Variants in CACNB2 observed in about 807,000 individuals in gnomAD.
CACNB2 encodes the protein voltage-dependent L-type calcium channel subunit beta-2.
In CACNB2, 42 loss-of-function variants were observed where a neutral mutation model predicts 73.3. The ratio of observed to expected loss-of-function variants is 0.57; its 90% CI spans 0.45 to 0.74. CACNB2 has a LOEUF of 0.74. Ranked by LOEUF, CACNB2 falls within the 30% of genes least tolerant of loss-of-function variation. CACNB2 has a pLI of 0.00. For missense variants in CACNB2, 940 were observed against 853.0 expected, an observed-to-expected ratio of 1.10 and a Z score of -1.27; for synonymous variants, 348 against 310.3, an observed-to-expected ratio of 1.12 and a Z score of -1.28.
chr10:18,360,425 T>C (rs563961078), intron 2 of CACNB2, among the ~76,000 whole-genome samples: 116 of 152,188 alleles, frequency 7.6e-4, no homozygotes, highest in African/African-American at 2.7e-3. Context: ...GAATCTCACT[T>C]TGTTGCCCGG....
chr10:18,461,825 A>G (rs557735525), intron 3 of CACNB2, among the ~76,000 whole-genome samples: 5 of 145,986 alleles, frequency 3.4e-5, no homozygotes, highest in South Asian at 2.2e-4. Flanking sequence ...CTCCTCGAAC[A>G]GTATGAGTGG....
intron 2 of CACNB2, among the ~76,000 whole-genome samples, chr10:18,286,607 T>C (rs2038816117): frequency 6.8e-6 from 1 of 147,474 alleles, no homozygotes; most frequent in African/African-American, 2.5e-5. Flanking sequence ...CCGTCATCAA[T>C]CTTAATGTTT....
At chr10:18,146,270 A>G (rs1455293740) in intron 1 of CACNB2, among the ~76,000 whole-genome samples, 1 of 151,698 alleles carries the variant, frequency 6.6e-6, no homozygotes, top group African/African-American at 2.4e-5. Flanking sequence ...AAAGGGATAA[A>G]CATCAATGAA....
chr10:18,537,065 G>C (rs888621293), intron 12 of CACNB2, among the ~76,000 whole-genome samples: 4 of 152,086 alleles, frequency 2.6e-5, no homozygotes, highest in African/African-American at 9.7e-5. Context: ...GCTCACTATT[G>C]CAACCTCTGC....
rs776677078 is a variant in CACNB2 at position 18,261,978 on chromosome 10, C to T, written c.213+111003C>T. 5.8e-6 allele frequency: 3 copies of T among 518,954 alleles called. No individual in the cohort carries two copies. In the Admixed American group the frequency reaches 5.8e-5, roughly 10 times the overall value. The allele number at this position is 518,954 out of a possible 1,614,324, so 32.1% of individuals were successfully genotyped here. ...GCTAATTGCAATATGCTGTGCCTTA[C>T]ACTAGCCGACCAGCTCCGAGCAAGC... On this transcript the variant is annotated intron_variant, in intron 2 of 13. Transcript: ENST00000324631.
intron 3 of CACNB2, among the ~76,000 whole-genome samples, chr10:18,447,435 G>A (rs1177541004): frequency 2.0e-5 from 3 of 151,972 alleles, no homozygotes; most frequent in East Asian, 1.9e-4. Context: ...TGAGTGGAGC[G>A]AATGACAGAA....
At chr10:18,531,281 A>T (rs2053001898) in intron 10 of CACNB2, among the ~76,000 whole-genome samples, 1 of 152,118 alleles carries the variant, frequency 6.6e-6, no homozygotes, top group Non-Finnish European at 1.5e-5. Flanking sequence ...TTAAGTTCCT[A>T]TCACCCAGGT....
chr10:18,157,337 A>G (rs2032132182), intron 2 of CACNB2, among the ~76,000 whole-genome samples: 2 of 152,190 alleles, frequency 1.3e-5, no homozygotes, highest in African/African-American at 4.8e-5. Context: ...TGGCCTTTGG[A>G]CAAGTAACTG....
In CACNB2 at chr10:18,536,255, TTTTTTTTTTTTTTTTTTTGG is replaced by T. The variant is rs1291030406; in HGVS notation, c.1302+60_1302+79del. ...ACAGAGATCAGACCTTTTTTTTTTT[TTTTTTTTTTTTTTTTTTTGG>T]GGGACAAGGTCTTGCTCTGTTGCCC... is the stretch of plus-strand genomic sequence containing the variant. On this transcript the variant is annotated intron_variant, in intron 12 of 13. Coordinates refer to ENST00000324631, the MANE Select transcript of CACNB2 (RefSeq NM_201596.3). 6.9e-5 allele frequency: 45 copies of T among 647,926 alleles called. No homozygotes were observed. The East Asian group carries it at 1.3e-3, about 19-fold the overall frequency. 40.1% of individuals were successfully genotyped at this position (647,926 alleles called of 1,614,324 possible). A position where few individuals can be genotyped will look rare whatever the true frequency, so the allele number is the denominator to read the frequency against.
At chr10:18,164,640 C>A (rs984259198) in intron 2 of CACNB2, among the ~76,000 whole-genome samples, 1 of 151,710 alleles carries the variant, frequency 6.6e-6, no homozygotes, top group East Asian at 1.9e-4. Flanking sequence ...ATAAGGCAAA[C>A]GAGATAAACT....
rs538997676 is a variant in CACNB2, at chr10:18,459,303, T to C, written c.334-39052T>C. On this transcript the variant is annotated intron_variant, in intron 3 of 13. Coordinates refer to ENST00000324631, the MANE Select transcript of CACNB2 (RefSeq NM_201596.3). ...TTGCCCCTCCCAGCTATCATTTTTC[T>C]GTTTCTTCTGCAGAAATATCACTAT... Among the ~76,000 whole-genome samples the C allele has an allele frequency of 1.8e-4, 27 of 152,350 alleles. 1 individual carries two copies. The East Asian group carries it at 5.0e-3, about 28-fold the overall frequency.
At chr10:18,367,664 TC>T (rs2042411649) in intron 2 of CACNB2, among the ~76,000 whole-genome samples, 1 of 152,132 alleles carries the variant, frequency 6.6e-6, no homozygotes, top group Non-Finnish European at 1.5e-5. Context: ...ATGTAAAAAT[TC>T]ACATTTATCA....
At chr10:18,384,121 C>T (rs920496393) in intron 2 of CACNB2, among the ~76,000 whole-genome samples, 2 of 152,086 alleles carry the variant, frequency 1.3e-5, no homozygotes, top group South Asian at 2.1e-4. Flanking sequence ...AAAGAGGCAC[C>T]GTGTTCCCAA....
At chr10:18,476,416 C>T (rs11014422) in intron 3 of CACNB2, among the ~76,000 whole-genome samples, 6,861 of 152,218 alleles carry the variant, frequency 0.045, 244 homozygotes, top group African/African-American at 0.1. Flanking sequence ...GCAAGCAGCT[C>T]AAGAGCCCGG....
At chr10:18,366,103 T>C (rs1370972758) in intron 2 of CACNB2, among the ~76,000 whole-genome samples, 1 of 152,202 alleles carries the variant, frequency 6.6e-6, no homozygotes, top group African/African-American at 2.4e-5. Context: ...GAATGTTGGC[T>C]GGTTCTACCT....
intron 2 of CACNB2, among the ~76,000 whole-genome samples, chr10:18,244,864 G>A (rs1212150542): frequency 6.6e-6 from 1 of 152,248 alleles, no homozygotes; most frequent in Non-Finnish European, 1.5e-5. Flanking sequence ...GGTGGGCACA[G>A]TGTAATCACA....
At chr10:18,372,054 G>GT (rs1201583186) in intron 2 of CACNB2, among the ~76,000 whole-genome samples, 5 of 152,084 alleles carry the variant, frequency 3.3e-5, no homozygotes, top group African/African-American at 1.2e-4. Flanking sequence ...GGGGTTGTTT[G>GT]TTTTTTTCTT....
chr10:18,536,264 TTTTTTTTTTGG>T lies in CACNB2; in HGVS notation c.1302+69_1302+79del, dbSNP rs376046981. 0.048 allele frequency: 25,387 copies of T among 526,830 alleles called. 2,266 individuals carry two copies. Among genetic ancestry groups the T allele is most frequent in the Non-Finnish European group, 0.054 (17,816 of 330,128 alleles). The allele number at this position is 526,830 out of a possible 1,614,324, so 32.6% of individuals were successfully genotyped here. On this transcript the variant is annotated intron_variant, in intron 12 of 13. Transcript: ENST00000324631. ...AGACCTTTTTTTTTTTTTTTTTTTTTTTTTTTTTTGGGGGACAAGGTCTTGCTCTGTTGCCC... is the reference window on the plus strand; with the variant it reads ...AGACCTTTTTTTTTTTTTTTTTTTTTGGGACAAGGTCTTGCTCTGTTGCCC...
chr10:18,471,524 G>A (rs2048187575), intron 3 of CACNB2, among the ~76,000 whole-genome samples: 1 of 152,134 alleles, frequency 6.6e-6, no homozygotes, highest in Non-Finnish European at 1.5e-5. Context: ...TGCAGCCACT[G>A]GTTTTTGTGA....
Sources: gnomAD v4.1 joint callset for allele counts (sites outside exome capture counted in the v4.1 genomes callset) on GRCh38, gnomAD v4.1.1 for gene constraint, MANE v1.5 for transcripts, NCBI Gene and HGNC (gene_info 2026-07-23, HGNC 2026-07-21) for gene names.